PPM1E: variants seen among roughly 807,000 people sequenced by gnomAD.
PPM1E encodes the protein protein phosphatase, Mg2+/Mn2+ dependent 1E, also known as protein phosphatase 1E.
PPM1E carries 20 observed loss-of-function variants against 65.9 expected under a neutral mutation model. The ratio of observed to expected loss-of-function variants is 0.30; its 90% CI spans 0.21 to 0.44. PPM1E has a LOEUF of 0.44. Ranked by LOEUF, PPM1E falls within the 20% of genes least tolerant of loss-of-function variation. The pLI, the probability that PPM1E is intolerant of heterozygous loss-of-function variation, is 1.00. For missense variants in PPM1E, 713 were observed against 953.1 expected (o/e 0.75, Z 3.32); for synonymous variants, 352 against 374.9 (o/e 0.94, Z 0.70).
At chr17:58,777,576 T>C (rs954083521) in intron 1 of PPM1E, among the ~76,000 whole-genome samples, 9 of 152,220 alleles carry the variant, frequency 5.9e-5, no homozygotes, top group Admixed American at 1.3e-4. Context: ...TTGATTGTTA[T>C]TAAAGTATCA....
intron 1 of PPM1E, among the ~76,000 whole-genome samples, chr17:58,836,731 A>G (rs1441219378): frequency 1.3e-4 from 19 of 149,910 alleles, no homozygotes; most frequent in African/African-American, 3.7e-4. Flanking sequence ...CTAAAGTGCC[A>G]GGATTATTGG....
rs751871152 is a variant in PPM1E, at chr17:58,869,965, C to A, written c.465-85684C>A. 7.2e-5 allele frequency among the ~76,000 whole-genome samples: 11 copies of A among 152,154 alleles called. No individual in the cohort carries two copies. The South Asian group carries it at 8.3e-4, about 11-fold the overall frequency. On this transcript the variant is annotated intron_variant, in intron 1 of 6. Transcript: ENST00000308249. ...AAAGTTTGAATGTTTAATTCAAATT[C>A]TCTAGCAAATCCAATAGAATCCTGA...
chr17:58,871,147 T>A (rs1442562868), intron 1 of PPM1E, among the ~76,000 whole-genome samples: 2 of 152,094 alleles, frequency 1.3e-5, no homozygotes, highest in Non-Finnish European at 2.9e-5. Context: ...TGATCCTCCC[T>A]TATTTCAGCC....
chr17:58,913,734 A>G (rs983750170), intron 1 of PPM1E, among the ~76,000 whole-genome samples: 2 of 152,126 alleles, frequency 1.3e-5, no homozygotes, highest in African/African-American at 4.8e-5. Flanking sequence ...GGATTGCAAG[A>G]CCAGCTGAGC....
intron 1 of PPM1E, among the ~76,000 whole-genome samples, chr17:58,816,755 T>C (rs1454249012): frequency 6.0e-4 from 3 of 4,964 alleles, no homozygotes; most frequent in Non-Finnish European, 1.2e-3. Flanking sequence ...TATATATATA[T>C]ATATATATAT....
chr17:58,967,803 CT>C lies in PPM1E; in HGVS notation c.784-1721del, dbSNP rs1164198879. On this transcript the variant is annotated intron_variant, in intron 3 of 6. Coordinates refer to ENST00000308249, the MANE Select transcript of PPM1E (RefSeq NM_014906.5). ...TTCTACCTGTCAGCATTCTTTATTTCTTTTTTTTTTTTTTTGAAACGGAGTC... is the reference window on the plus strand; with the variant it reads ...TTCTACCTGTCAGCATTCTTTATTTCTTTTTTTTTTTTTTGAAACGGAGTC... Among the ~76,000 whole-genome samples the C allele has an allele frequency of 2.3e-3, 314 of 137,950 alleles. 5 individuals are homozygous for C. The highest frequency in any genetic ancestry group is 4.3e-3 in the Admixed American group (59 of 13,766). 90.5% of individuals were successfully genotyped at this position (137,950 alleles called of 152,430 possible).
chr17:58,880,828 G>C (rs968676250), intron 1 of PPM1E, among the ~76,000 whole-genome samples: 7 of 151,824 alleles, frequency 4.6e-5, no homozygotes, highest in African/African-American at 9.7e-5. Flanking sequence ...GGGTTTTGCC[G>C]TATTGCCCAG....
intron 1 of PPM1E, among the ~76,000 whole-genome samples, chr17:58,879,527 T>TTTTTTA (rs2051166771): frequency 6.9e-6 from 1 of 144,064 alleles, no homozygotes; most frequent in African/African-American, 2.6e-5. Context: ...TTTTTTTTTT[T>TTTTTTA]GAGACAGAGT....
At chr17:58,759,441 G>A (rs2049801999) in intron 1 of PPM1E, among the ~76,000 whole-genome samples, 1 of 152,216 alleles carries the variant, frequency 6.6e-6, no homozygotes, top group African/African-American at 2.4e-5. Flanking sequence ...TCTTACAGGA[G>A]ATGTGAATAT....
chr17:58,897,465 A>G (rs1161381534), intron 1 of PPM1E, among the ~76,000 whole-genome samples: 1 of 152,104 alleles, frequency 6.6e-6, no homozygotes, highest in Non-Finnish European at 1.5e-5. Context: ...AATGCAATGC[A>G]CCTGGTCACC....
chr17:58,919,221 A>ATGTG (rs2051721363), intron 1 of PPM1E, among the ~76,000 whole-genome samples: 1 of 152,228 alleles, frequency 6.6e-6, no homozygotes, highest in Non-Finnish European at 1.5e-5. Flanking sequence ...AGAAAACCAT[A>ATGTG]AGAGAAATGT....
chr17:58,890,191 C>T (rs188970062), intron 1 of PPM1E, among the ~76,000 whole-genome samples: 11 of 152,118 alleles, frequency 7.2e-5, no homozygotes, highest in Non-Finnish European at 1.2e-4. Flanking sequence ...TTAAAGATAC[C>T]GTATTAAATA....
chr17:58,943,450 A>G (rs2052102112), intron 1 of PPM1E, among the ~76,000 whole-genome samples: 1 of 152,200 alleles, frequency 6.6e-6, no homozygotes, highest in Non-Finnish European at 1.5e-5. Context: ...ATGCCATCAG[A>G]AAAACTGGTT....
At chr17:58,867,822 T>C (rs1347472256) in intron 1 of PPM1E, among the ~76,000 whole-genome samples, 1 of 152,156 alleles carries the variant, frequency 6.6e-6, no homozygotes, top group Admixed American at 6.5e-5. Context: ...TTAAAACATT[T>C]CTCCTTATCA....
intron 1 of PPM1E, among the ~76,000 whole-genome samples, chr17:58,875,958 G>A (rs1016555750): frequency 6.6e-6 from 1 of 152,212 alleles, no homozygotes; most frequent in Admixed American, 6.5e-5. Flanking sequence ...ACTTCATGGA[G>A]TATCAATGAC....
At chr17:58,899,193 A>G (rs1303317234) in intron 1 of PPM1E, among the ~76,000 whole-genome samples, 1 of 152,022 alleles carries the variant, frequency 6.6e-6, no homozygotes, top group Admixed American at 6.6e-5. Context: ...GAATGAAAAA[A>G]AAATTAGCGA....
intron 1 of PPM1E, among the ~76,000 whole-genome samples, chr17:58,928,815 G>C (rs1332909911): frequency 1.3e-5 from 2 of 151,088 alleles, no homozygotes; most frequent in Non-Finnish European, 2.9e-5. Context: ...TGATTCTCCT[G>C]CCTCAGCCTC....
Position 58,930,256 on chromosome 17 carries a change from C to A in PPM1E, c.465-25393C>A, listed in dbSNP as rs868369849. The stretch of plus-strand genomic sequence containing the variant: ...ACAATAAATTAAATGTATATACACA[C>A]ACACACACACACACACACACACACA... On this transcript the variant is annotated intron_variant, in intron 1 of 6. Transcript: ENST00000308249. Among the ~76,000 whole-genome samples, 6 of 147,342 alleles carry A rather than the reference C, an allele frequency of 4.1e-5. No homozygotes were observed. The East Asian group carries it at 1.2e-3, about 29-fold the overall frequency.
chr17:58,847,513 T>G (rs889553385), intron 1 of PPM1E, among the ~76,000 whole-genome samples: 1 of 152,194 alleles, frequency 6.6e-6, no homozygotes, highest in African/African-American at 2.4e-5. Context: ...CCCAGCACCA[T>G]TTATTAAATA....
Sources: allele counts gnomAD v4.1 joint callset (sites outside exome capture counted in the v4.1 genomes callset), GRCh38; gene constraint gnomAD v4.1.1; transcripts MANE v1.5; gene names NCBI Gene and HGNC (gene_info 2026-07-23, HGNC 2026-07-21).